Variants in ADAMTS16 observed in about 807,000 individuals in gnomAD.
ADAMTS16 encodes the protein ADAM metallopeptidase with thrombospondin type 1 motif 16, also known as A disintegrin and metalloproteinase with thrombospondin motifs 16.
Under a neutral mutation model 145.8 loss-of-function variants are expected in ADAMTS16, and 94 were observed. The observed-to-expected ratio is 0.64, with a 90% CI of 0.55 to 0.77. The LOEUF (loss-of-function observed/expected upper bound fraction) is 0.77. Ranked by LOEUF, ADAMTS16 falls within the 30% of genes least tolerant of loss-of-function variation. The pLI is 0.00. For missense variants in ADAMTS16, 1,585 were observed against 1,591.5 expected, an observed-to-expected ratio of 1.00 and a Z score of 0.07; for synonymous variants, 659 against 604.3, an observed-to-expected ratio of 1.09 and a Z score of -1.33.
chr5:5,237,189 A>G (rs1737134635), intron 14 of ADAMTS16, 90 bp downstream of exon 14: 1 of 1,392,156 alleles, frequency 7.2e-7, no homozygotes, highest in Admixed American at 2.1e-5. Flanking sequence ...GACTGGACAT[A>G]TGAGACAAGC....
chr5:5,250,889 T>C (rs2126408441), intron 17 of ADAMTS16, among the ~76,000 whole-genome samples: 1 of 152,278 alleles, frequency 6.6e-6, no homozygotes, highest in Non-Finnish European at 1.5e-5. Context: ...CCTGACTCCT[T>C]CCTCCCTCCA....
chr5:5,217,916 C>A (rs906320902), intron 10 of ADAMTS16, among the ~76,000 whole-genome samples: 28 of 152,266 alleles, frequency 1.8e-4, no homozygotes, highest in African/African-American at 6.3e-4. Context: ...CAATCTGAAA[C>A]ATAAGCCGCC....
intron 5 of ADAMTS16, 39 bp downstream of exon 5, chr5:5,186,290 G>A: frequency 6.4e-7 from 1 of 1,553,166 alleles, no homozygotes; most frequent in Non-Finnish European, 8.8e-7. Flanking sequence ...CTGTGTCATT[G>A]CACTTCGTAG....
chr5:5,319,148 G>A lies in ADAMTS16; in HGVS notation c.*10G>A, dbSNP rs761486338. On this transcript the variant is annotated 3_prime_UTR_variant, in exon 23 of 23. Coordinates refer to ENST00000274181, the MANE Select transcript of ADAMTS16 (RefSeq NM_139056.4). ...TAAGTCCAACTTGTGAGTTGGGACC[G>A]CTCTCCGTAGCAGAGAAAGTGCCTG... 5.7e-6 allele frequency: 9 copies of A among 1,583,462 alleles called. No homozygotes were observed. The highest frequency in any genetic ancestry group is 2.3e-5 in the South Asian group (2 of 88,384).
At chr5:5,158,191 C>T (rs928027682) in intron 3 of ADAMTS16, among the ~76,000 whole-genome samples, 4 of 152,036 alleles carry the variant, frequency 2.6e-5, no homozygotes, top group Admixed American at 2.6e-4. Flanking sequence ...TTTGGGTTAC[C>T]AGTTTAGCAT....
At chr5:5,227,155 C>G (rs761386237) in intron 11 of ADAMTS16, among the ~76,000 whole-genome samples, 2 of 152,238 alleles carry the variant, frequency 1.3e-5, no homozygotes, top group Non-Finnish European at 2.9e-5. Flanking sequence ...TTCCCCAGGT[C>G]ACGCAGCTCG....
intron 21 of ADAMTS16, 88 bp downstream of exon 21, chr5:5,306,816 G>C: frequency 3.8e-6 from 5 of 1,312,552 alleles, no homozygotes; most frequent in Non-Finnish European, 5.1e-6. Context: ...TTCTGCGAGG[G>C]TGTTTTCCCC....
chr5:5,285,422 T>A (rs1040553123), intron 18 of ADAMTS16, among the ~76,000 whole-genome samples: 11 of 152,184 alleles, frequency 7.2e-5, no homozygotes, highest in African/African-American at 2.7e-4. Context: ...CTCACAATGT[T>A]CCAAACTCGG....
intron 3 of ADAMTS16, among the ~76,000 whole-genome samples, chr5:5,153,042 C>T: frequency 6.6e-6 from 1 of 152,208 alleles, no homozygotes; most frequent in East Asian, 1.9e-4. Flanking sequence ...CACTTGAAAC[C>T]ACAGTACTAT....
intron 3 of ADAMTS16, among the ~76,000 whole-genome samples, chr5:5,149,971 T>G (rs1311115739): frequency 6.6e-6 from 1 of 152,228 alleles, no homozygotes; most frequent in African/African-American, 2.4e-5. Context: ...TTTTGGCTAC[T>G]GCGAATAATG....
At chr5:5,154,200 G>T (rs1390925493) in intron 3 of ADAMTS16, among the ~76,000 whole-genome samples, 3 of 152,184 alleles carry the variant, frequency 2.0e-5, no homozygotes, top group Non-Finnish European at 2.9e-5. Context: ...TTGAAAGAAA[G>T]GTGTCACTAT....
intron 18 of ADAMTS16, among the ~76,000 whole-genome samples, chr5:5,278,911 C>A (rs1289771776): frequency 2.0e-5 from 3 of 151,498 alleles, no homozygotes; most frequent in Non-Finnish European, 4.4e-5. Flanking sequence ...CAATAAAAAA[C>A]CAACCAAACA....
At position 5,190,004 on chromosome 5, in the gene ADAMTS16, A is replaced by G; in HGVS notation, c.1081A>G (p.Thr361Ala). 1 of 1,611,808 alleles carries G rather than the reference A, an allele frequency of 6.2e-7. No individual in the cohort carries two copies. The highest frequency in any genetic ancestry group is 8.5e-7 in the Non-Finnish European group (1 of 1,179,126). The stretch of plus-strand genomic sequence containing the variant: ...GGTGATAAGTCACCACGCAGACCAC[A>G]CCTTAAGTAGCTTCTGCCAGTGGCA... The part of the protein sequence containing the change: ...GLVISHHADH[T>A]LSSFCQWQSG... The change falls in exon 7 of 23, where the codon ACC becomes GCC. Residue 361 changes from threonine (T) to alanine (A), a missense_variant. This residue lies in a region of ADAMTS16 where 298 missense variants were observed against 367.6 expected (regional missense o/e 0.81). Coordinates refer to ENST00000274181, the MANE Select transcript of ADAMTS16 (RefSeq NM_139056.4).
At chr5:5,151,648 A>AT (rs1734461690) in intron 3 of ADAMTS16, among the ~76,000 whole-genome samples, 1 of 151,572 alleles carries the variant, frequency 6.6e-6, no homozygotes, top group Non-Finnish European at 1.5e-5. Flanking sequence ...ACAGCCAAGC[A>AT]AATTTATCCA....
intron 10 of ADAMTS16, among the ~76,000 whole-genome samples, chr5:5,219,005 CAGGCCAGAGT>C (rs995710317): frequency 4.6e-5 from 7 of 152,086 alleles, no homozygotes; most frequent in African/African-American, 1.7e-4. Context: ...GGGGGCGTGG[CAGGCCAGAGT>C]AGTCTTGGAA....
intron 17 of ADAMTS16, among the ~76,000 whole-genome samples, chr5:5,261,006 A>G (rs1353893076): frequency 6.6e-6 from 1 of 152,202 alleles, no homozygotes; most frequent in African/African-American, 2.4e-5. Context: ...AGGAGTGAGA[A>G]CAGGTGTTCC....
In ADAMTS16 at chr5:5,146,233, G is replaced by A. The variant is rs1181410226; in HGVS notation, c.279G>A (p.Glu93=). The A allele has an allele frequency of 6.2e-7, 1 of 1,614,144 alleles. No individual in the cohort carries two copies. Among genetic ancestry groups the A allele is most frequent in the Non-Finnish European group, 8.5e-7 (1 of 1,180,032 alleles). The change falls in exon 3 of 23, where the codon GAG becomes GAA. Residue 93 remains glutamate, a synonymous_variant. Coordinates refer to ENST00000274181, the MANE Select transcript of ADAMTS16 (RefSeq NM_139056.4). ...GGAGAAGAGCAGTGCCCGTGTCCGA[G>A]GTTGAGTCTCTTCACCTTCGGCTGA... is the stretch of plus-strand genomic sequence containing the variant. ...QRRRRAVPVS[E]VESLHLRLKG...
At position 5,177,292 on chromosome 5, in the gene ADAMTS16, TG is replaced by T. The variant is rs202183727; in HGVS notation, c.502-4750del. Among the ~76,000 whole-genome samples, 177 of 152,288 alleles carry T rather than the reference TG, an allele frequency of 1.2e-3. 1 individual carries two copies. The East Asian group carries it at 0.026, about 22-fold the overall frequency. ...TAGTTTGAGTCTATACATAAGCAAC[TG>T]GAAAGTGACCAGGGGACAAGTTTAG... On this transcript the variant is annotated intron_variant, in intron 3 of 22. Transcript: ENST00000274181.
At chr5:5,232,600 C>CTTTTTTTTTT in intron 12 of ADAMTS16, 84 bp downstream of exon 12, 1 of 904,502 alleles carries the variant, frequency 1.1e-6, no homozygotes, top group East Asian at 3.8e-5. Flanking sequence ...TGTCTCAGCT[C>CTTTTTTTTTT]TTTTTTTTTT....
Sources: gnomAD v4.1 joint callset for allele counts (sites outside exome capture counted in the v4.1 genomes callset) on GRCh38, gnomAD v4.1.1 for gene constraint, gnomAD v4.1.1 regional missense constraint, MANE v1.5 for transcripts, NCBI Gene and HGNC (gene_info 2026-07-23, HGNC 2026-07-21) for gene names.